The following KIF24 variants were observed in gnomAD, a reference collection of about 807,000 sequenced individuals.
KIF24 encodes the protein kinesin-like protein KIF24.
In KIF24, 81 loss-of-function variants were observed where a neutral mutation model predicts 118.9. That is an observed-to-expected ratio of 0.68 (90% CI 0.57 to 0.82). KIF24 has a LOEUF of 0.82. Among genes scored for constraint, KIF24 ranks in the 40% least tolerant of loss-of-function variants. The pLI is 0.00. For synonymous variants in KIF24, 599 were observed against 610.0 expected (o/e 0.98, Z 0.27); for missense variants, 1,560 against 1,661.6 (o/e 0.94, Z 1.06).
At chr9:34,277,153 A>T (rs947493957) in intron 6 of KIF24, among the ~76,000 whole-genome samples, 1 of 152,230 alleles carries the variant, frequency 6.6e-6, no homozygotes, top group African/African-American at 2.4e-5. Context: ...TATCTCTCAT[A>T]ATCCCAGTGA....
At chr9:34,300,072 T>A (rs1404474052) in intron 3 of KIF24, among the ~76,000 whole-genome samples, 1 of 152,114 alleles carries the variant, frequency 6.6e-6, no homozygotes, top group Non-Finnish European at 1.5e-5. Flanking sequence ...AGTTTGAATC[T>A]GTTGTGTGTA....
Position 34,310,696 on chromosome 9 carries a change from C to T in KIF24, c.623+28G>A, listed in dbSNP as rs1390674525. ...GCCCTTGCCTGAGGCTACTTTCCCT[C>T]AAAAGAAAGAAAGATAAAATTTATT... On this transcript the variant is annotated intron_variant, in intron 2 of 12. Transcript: ENST00000402558. The T allele has an allele frequency of 3.9e-6, 6 of 1,540,418 alleles. No homozygotes were observed. In the South Asian group the frequency reaches 7.8e-5, roughly 20 times the overall value.
intron 5 of KIF24, 144 bp from the exon 6 acceptor site, chr9:34,286,848 C>CA (rs1193989740): frequency 1.6e-6 from 1 of 634,504 alleles, no homozygotes; most frequent in Non-Finnish European, 2.8e-6. Context: ...CTCCCAACCC[C>CA]ACCCTCCTGA....
Position 34,256,487 on chromosome 9 carries a change from C to T in KIF24, c.3120G>A (p.Thr1040=), listed in dbSNP as rs142101336. 26 of 1,613,688 alleles carry T rather than the reference C, an allele frequency of 1.6e-5. No individual in the cohort carries two copies. The highest frequency in any genetic ancestry group is 6.7e-5 in the African/African-American group (5 of 74,912). The stretch of plus-strand genomic sequence containing the variant: ...TGAGTCCAGAAGCATATTCAGCATG[C>T]GTGCCTAACTGCCCCCTAGGATCCT... The part of the protein sequence containing the change: ...PGEDPRGQLG[T]HAEYASGLMS... Residue 1040 remains threonine, a synonymous_variant, in exon 11 of 13, where the codon ACG becomes ACA. Coordinates refer to ENST00000402558, the MANE Select transcript of KIF24 (RefSeq NM_194313.4).
rs747327349 is a variant in KIF24 at position 34,306,367 on chromosome 9, A to T, written c.698T>A (p.Leu233Gln). The stretch of plus-strand genomic sequence containing the variant: ...TCCACGACGTACCTCCCTCATGCCC[A>T]GGGGGCGTTTTCGAACACAAACTCT... ...KIRVCVRKRPLGMREVRRGEI... is the reference protein window; with the variant it reads ...KIRVCVRKRPQGMREVRRGEI... The change falls in exon 3 of 13, where the codon CTG becomes CAG. Residue 233 changes from leucine (L) to glutamine (Q), a missense_variant. By Grantham distance (113) the Leu-to-Gln change is moderately radical. Transcript: ENST00000402558. The T allele has an allele frequency of 2.5e-6, 4 of 1,612,376 alleles. No individual in the cohort carries two copies. In the South Asian group the frequency reaches 4.4e-5, roughly 18 times the overall value.
intron 3 of KIF24, among the ~76,000 whole-genome samples, chr9:34,298,098 G>C (rs1326013903): frequency 1.3e-5 from 2 of 152,146 alleles, no homozygotes; most frequent in African/African-American, 4.8e-5. Context: ...ATTTGAAAGG[G>C]AGTGATGGAA....
rs1834870158 is a variant in KIF24 at position 34,256,925 on chromosome 9, G to A, written c.2682C>T (p.Asp894=). Residue 894 remains aspartate, a synonymous_variant, in exon 11 of 13, where the codon GAC becomes GAT. Coordinates refer to ENST00000402558, the MANE Select transcript of KIF24 (RefSeq NM_194313.4). ...DKKDLTKSWV[D]SRDPINHRRA... ...TTCTGTGGTTTATGGGGTCCCTGGAGTCCACCCAGCTTTTAGTTAGATCTT... is the reference window on the plus strand; with the variant it reads ...TTCTGTGGTTTATGGGGTCCCTGGAATCCACCCAGCTTTTAGTTAGATCTT... 3 of 1,613,858 alleles carry A rather than the reference G, an allele frequency of 1.9e-6. No homozygotes were observed. Among genetic ancestry groups the A allele is most frequent in the African/African-American group, 1.3e-5 (1 of 74,906 alleles).
rs769279837 is a variant in KIF24 at position 34,293,353 on chromosome 9, G to A, written c.912-2964C>T. ...AAATTTGCCAGGTGTGGTGGCACAC[G>A]CCTACAATCCCAGCTACTAGGGTGG... On this transcript the variant is annotated intron_variant, in intron 4 of 12. Coordinates refer to ENST00000402558, the MANE Select transcript of KIF24 (RefSeq NM_194313.4). 3.3e-5 allele frequency among the ~76,000 whole-genome samples: 5 copies of A among 151,648 alleles called. No individual in the cohort carries two copies. In the East Asian group the frequency reaches 7.8e-4, roughly 24 times the overall value.
rs559271786 is a variant in KIF24 at position 34,298,079 on chromosome 9, A to C, written c.814-965T>G. Among the ~76,000 whole-genome samples the C allele has an allele frequency of 6.6e-5, 10 of 152,292 alleles. 1 individual carries two copies. Among genetic ancestry groups the C allele is most frequent in the African/African-American group, 2.4e-4 (10 of 41,582 alleles). ...TATACTGAGAATGGACCACAGGGGA[A>C]GAAGAGGAATTTGAAAGGGAGTGAT... On this transcript the variant is annotated intron_variant, in intron 3 of 12. Transcript: ENST00000402558.
chr9:34,322,619 C>T (rs1837559479), intron 1 of KIF24, among the ~76,000 whole-genome samples: 1 of 151,750 alleles, frequency 6.6e-6, no homozygotes, highest in Admixed American at 6.6e-5. Flanking sequence ...TTGGGGAGGC[C>T]AAGGTGGTTG....
At chr9:34,321,484 G>A (rs1328840107) in intron 1 of KIF24, among the ~76,000 whole-genome samples, 1 of 148,180 alleles carries the variant, frequency 6.7e-6, no homozygotes, top group Non-Finnish European at 1.5e-5. Flanking sequence ...TACTGATTAC[G>A]CATTTGCAGG....
At position 34,318,500 on chromosome 9, in the gene KIF24, G is replaced by C; in HGVS notation, c.-25-7129C>G. 1.2e-6 allele frequency: 1 copy of C among 852,960 alleles called. No homozygotes were observed. Among genetic ancestry groups the C allele is most frequent in the Non-Finnish European group, 1.9e-6 (1 of 517,634 alleles). The allele number at this position is 852,960 out of a possible 1,614,324, so 52.8% of individuals were successfully genotyped here. A position where few individuals can be genotyped will look rare whatever the true frequency, so the allele number is the denominator to read the frequency against. On this transcript the variant is annotated intron_variant, in intron 1 of 12. Coordinates refer to ENST00000402558, the MANE Select transcript of KIF24 (RefSeq NM_194313.4). This position sits in a 1 kb window ranked among gnomAD's most constrained non-coding sequence, Gnocchi z 4.9. ...TGCAGCCACAGCAGCTCCTGGCACC[G>C]CAGAGAAGCTGAGCCCCAAGGCAGC...
intron 2 of KIF24, 133 bp from the exon 3 acceptor site, chr9:34,306,574 G>A (rs1436733029): frequency 1.4e-5 from 8 of 555,022 alleles, no homozygotes; most frequent in Admixed American, 6.3e-5. Context: ...AGGCCGAGGT[G>A]GGCGGATCAC....
intron 5 of KIF24, among the ~76,000 whole-genome samples, chr9:34,287,026 A>G (rs776967573): frequency 1.3e-5 from 2 of 152,220 alleles, no homozygotes; most frequent in Non-Finnish European, 2.9e-5. Context: ...TGCTGGTCCA[A>G]TCAAAGTAAA....
chr9:34,289,352 T>C (rs904832256), intron 5 of KIF24, among the ~76,000 whole-genome samples: 1 of 152,184 alleles, frequency 6.6e-6, no homozygotes, highest in Non-Finnish European at 1.5e-5. Context: ...GTGCATCCTT[T>C]TGGACAGCTC....
rs879623808 is a variant in KIF24 at position 34,270,419 on chromosome 9, G to A, written c.1338-1057C>T. On this transcript the variant is annotated intron_variant, in intron 7 of 12. Coordinates refer to ENST00000402558, the MANE Select transcript of KIF24 (RefSeq NM_194313.4). ...TAGTCCCAGCTACTCAGGAGGCTGA[G>A]GCAGGAAAATGGCGTGAACCCGGGA... Among the ~76,000 whole-genome samples, 296 of 151,804 alleles carry A rather than the reference G, an allele frequency of 1.9e-3. 2 individuals are homozygous for A. The highest frequency in any genetic ancestry group is 2.7e-3 in the Non-Finnish European group (180 of 67,912).
At chr9:34,319,123 A>G in intron 1 of KIF24, 2 of 1,467,286 alleles carry the variant, frequency 1.4e-6, no homozygotes, top group Non-Finnish European at 1.9e-6. Context: ...TGCACCAGAC[A>G]GGCCTCTACA....
chr9:34,296,353 C>T (rs1474644031), intron 4 of KIF24, among the ~76,000 whole-genome samples: 3 of 150,226 alleles, frequency 2.0e-5, no homozygotes, highest in Non-Finnish European at 4.4e-5. Context: ...GGTGAAACCC[C>T]ATCTCTACTA....
At chr9:34,283,386 AAAAAAAGAATG>A (rs1835926707) in intron 6 of KIF24, among the ~76,000 whole-genome samples, 1 of 151,952 alleles carries the variant, frequency 6.6e-6, no homozygotes, top group African/African-American at 2.4e-5. Flanking sequence ...AATAAAAAAT[AAAAAAAGAATG>A]AATATTATGG....
Sources: gnomAD v4.1 joint callset for allele counts (sites outside exome capture counted in the v4.1 genomes callset) on GRCh38, gnomAD v4.1.1 for gene constraint, Gnocchi (gnomAD v3.1) non-coding constraint, MANE v1.5 for transcripts, NCBI Gene and HGNC (gene_info 2026-07-23, HGNC 2026-07-21) for gene names.